The following RNF169 variants were observed in gnomAD, a reference collection of about 807,000 sequenced individuals.
RNF169 encodes the protein E3 ubiquitin-protein ligase RNF169.
In RNF169, 24 loss-of-function variants were observed where a neutral mutation model predicts 53.9. The observed-to-expected ratio is 0.45, with a 90% CI of 0.32 to 0.63. The LOEUF (loss-of-function observed/expected upper bound fraction) is 0.63, where lower values mean the gene tolerates loss of function less well. Ranked by LOEUF, RNF169 falls within the 20% of genes least tolerant of loss-of-function variation. The pLI is 0.04. For missense variants in RNF169, 883 were observed against 906.2 expected (o/e 0.97, Z 0.33); for synonymous variants, 396 against 363.5 (o/e 1.09, Z -1.02).
Position 74,836,711 on chromosome 11 carries a change from A to G in RNF169, c.2108A>G (p.Asn703Ser). Residue 703 changes from asparagine to serine, a missense_variant, in exon 6 of 6, where the codon AAC becomes AGC. By Grantham distance (46) the Asn-to-Ser change is conservative. Transcript: ENST00000299563. The part of the protein sequence containing the change: ...SVDQYLLRSS[N>S]MAGAK ...GATCAGTATCTCCTACGGTCCAGCA[A>G]CATGGCCGGGGCCAAGTAGCACCTA... 1 of 1,610,364 alleles carries G rather than the reference A, an allele frequency of 6.2e-7. No homozygotes were observed. The highest frequency in any genetic ancestry group is 8.5e-7 in the Non-Finnish European group (1 of 1,179,136).
intron 1 of RNF169, among the ~76,000 whole-genome samples, chr11:74,753,403 T>G (rs752545356): frequency 6.6e-6 from 1 of 152,220 alleles, no homozygotes; most frequent in Non-Finnish European, 1.5e-5. Context: ...TAATTCACAG[T>G]GAAATGTTCA....
At chr11:74,756,270 A>G (rs2034981559) in intron 1 of RNF169, among the ~76,000 whole-genome samples, 2 of 152,242 alleles carry the variant, frequency 1.3e-5, no homozygotes, top group Non-Finnish European at 2.9e-5. Flanking sequence ...GTATTATAAT[A>G]GCTGTTATGC....
chr11:74,783,710 GT>G, intron 1 of RNF169, among the ~76,000 whole-genome samples: 5 of 152,156 alleles, frequency 3.3e-5, no homozygotes, highest in African/African-American at 1.2e-4. Context: ...GCTCTGCTTT[GT>G]GGTGGGGTAG....
chr11:74,755,955 A>C (rs2135304308), intron 1 of RNF169, among the ~76,000 whole-genome samples: 1 of 152,352 alleles, frequency 6.6e-6, no homozygotes. Context: ...TAACATAATC[A>C]TACTGTGCTT....
chr11:74,792,266 A>G (rs919294805), intron 2 of RNF169, among the ~76,000 whole-genome samples: 3 of 152,238 alleles, frequency 2.0e-5, no homozygotes, highest in Non-Finnish European at 2.9e-5. Flanking sequence ...TACACATACA[A>G]TATTTACTTC....
At chr11:74,799,694 TTTG>T (rs1447464218) in intron 2 of RNF169, among the ~76,000 whole-genome samples, 1 of 152,090 alleles carries the variant, frequency 6.6e-6, no homozygotes, top group Non-Finnish European at 1.5e-5. Context: ...AATAAAATAT[TTTG>T]TTAAAATATG....
intron 2 of RNF169, among the ~76,000 whole-genome samples, chr11:74,800,860 G>T (rs2035719003): frequency 6.6e-6 from 1 of 152,116 alleles, no homozygotes; most frequent in South Asian, 2.1e-4. Context: ...TCTTCATTCA[G>T]CCTTTCAGCT....
At chr11:74,822,552 G>A (rs1380797871) in intron 4 of RNF169, among the ~76,000 whole-genome samples, 1 of 152,222 alleles carries the variant, frequency 6.6e-6, no homozygotes, top group East Asian at 1.9e-4. Flanking sequence ...CTATGGCAGA[G>A]TAGAGTAAGT....
chr11:74,765,500 G>A (rs537093621), intron 1 of RNF169, among the ~76,000 whole-genome samples: 3 of 152,008 alleles, frequency 2.0e-5, no homozygotes, highest in Non-Finnish European at 2.9e-5. Flanking sequence ...TTTAAATAAC[G>A]TGGGTAAAGA....
At position 74,758,783 on chromosome 11, in the gene RNF169, C is replaced by T. The variant is rs1407508836; in HGVS notation, c.502+9401C>T. ...CCTCCCAAAGTGCTGGGATTACAGG[C>T]GTGAGCCACCGCGCCCGGCCGTCCA... On this transcript the variant is annotated intron_variant, in intron 1 of 5. Transcript: ENST00000299563. Among the ~76,000 whole-genome samples, 3 of 152,236 alleles carry T rather than the reference C, an allele frequency of 2.0e-5. No individual in the cohort carries two copies. In the East Asian group the frequency reaches 5.8e-4, roughly 29 times the overall value.
At chr11:74,774,055 G>A (rs1162285124) in intron 1 of RNF169, among the ~76,000 whole-genome samples, 2 of 152,188 alleles carry the variant, frequency 1.3e-5, no homozygotes, top group East Asian at 3.9e-4. Context: ...TTAAGCTAAA[G>A]CTGTCCAGGT....
At chr11:74,783,543 TC>T (rs1265583999) in intron 1 of RNF169, among the ~76,000 whole-genome samples, 1 of 152,216 alleles carries the variant, frequency 6.6e-6, no homozygotes, top group East Asian at 1.9e-4. Flanking sequence ...GCATTTCTGT[TC>T]TGTGAGGTGA....
intron 1 of RNF169, among the ~76,000 whole-genome samples, chr11:74,782,844 A>G (rs758812775): frequency 5.9e-5 from 9 of 151,496 alleles, no homozygotes; most frequent in Admixed American, 1.3e-4. Context: ...AATCTTGTCT[A>G]TAGTTCTGAT....
At chr11:74,762,115 A>C (rs1018597111) in intron 1 of RNF169, among the ~76,000 whole-genome samples, 73 of 145,836 alleles carry the variant, frequency 5.0e-4, no homozygotes, top group African/African-American at 1.9e-3. Flanking sequence ...AGGCTTCTGC[A>C]TTCTTCATGT....
intron 1 of RNF169, among the ~76,000 whole-genome samples, chr11:74,780,963 T>G (rs1220983522): frequency 6.6e-6 from 1 of 152,222 alleles, no homozygotes; most frequent in Admixed American, 6.5e-5. Context: ...AGAAGAGATG[T>G]ATAGCCTCTT....
intron 1 of RNF169, among the ~76,000 whole-genome samples, chr11:74,753,125 C>G (rs1337999190): frequency 6.6e-6 from 1 of 152,124 alleles, no homozygotes; most frequent in African/African-American, 2.4e-5. Flanking sequence ...TGCGCCACCA[C>G]GCCCGGCTAA....
intron 4 of RNF169, among the ~76,000 whole-genome samples, chr11:74,829,086 A>G (rs965204726): frequency 3.3e-5 from 5 of 152,204 alleles, no homozygotes; most frequent in Admixed American, 2.0e-4. Context: ...AATTTTTGCA[A>G]TCTATCCATC....
chr11:74,776,157 C>T (rs1326489782), intron 1 of RNF169, among the ~76,000 whole-genome samples: 1 of 152,070 alleles, frequency 6.6e-6, no homozygotes, highest in East Asian at 1.9e-4. Flanking sequence ...TTATTTTTTG[C>T]ATGAACTTCC....
intron 2 of RNF169, among the ~76,000 whole-genome samples, chr11:74,793,484 C>T (rs2035607509): frequency 6.6e-6 from 1 of 152,212 alleles, no homozygotes; most frequent in South Asian, 2.1e-4. Flanking sequence ...ATTTTTATTC[C>T]TCTAATTCTA....
Sources: gnomAD v4.1 joint callset for allele counts (sites outside exome capture counted in the v4.1 genomes callset) on GRCh38, gnomAD v4.1.1 for gene constraint, MANE v1.5 for transcripts, NCBI Gene and HGNC (gene_info 2026-07-23, HGNC 2026-07-21) for gene names.